Variants in VPS13A observed in about 807,000 individuals in gnomAD.
The protein encoded by VPS13A is vacuolar protein sorting 13 homolog A.
Under a neutral mutation model 390.9 loss-of-function variants are expected in VPS13A, and 264 were observed. The observed-to-expected ratio is 0.68, with a 90% confidence interval of 0.61 to 0.75. The LOEUF is 0.75. Ranked by LOEUF, VPS13A falls within the 30% of genes least tolerant of loss-of-function variation. VPS13A has a pLI of 0.00. For synonymous variants in VPS13A, 1,231 were observed against 1,227.1 expected (o/e 1.00, Z -0.07); for missense variants, 3,409 against 3,733.9 (o/e 0.91, Z 2.27).
chr9:77,301,705 T>C (rs1828365993), intron 33 of VPS13A, among the ~76,000 whole-genome samples: 1 of 152,322 alleles, frequency 6.6e-6, no homozygotes, highest in South Asian at 2.1e-4. Context: ...AGGGGTTCAA[T>C]TGACCTACAT....
chr9:77,356,920 T>G lies in VPS13A; in HGVS notation c.7806+53T>G, dbSNP rs180933837. 2.7e-5 allele frequency: 43 copies of G among 1,597,590 alleles called. No individual in the cohort carries two copies. In the Admixed American group the frequency reaches 3.0e-4, roughly 11 times the overall value. ...TTTTAATTTTTTGCCTGTCGTAGTTTGGTGAATCACTAGTGAAATTTAAGG... is the reference window on the plus strand; with the variant it reads ...TTTTAATTTTTTGCCTGTCGTAGTTGGGTGAATCACTAGTGAAATTTAAGG... On this transcript the variant is annotated intron_variant, in intron 55 of 71. Coordinates refer to ENST00000360280, the MANE Select transcript of VPS13A (RefSeq NM_033305.3).
intron 19 of VPS13A, among the ~76,000 whole-genome samples, chr9:77,241,701 G>A (rs781666829): frequency 1.3e-5 from 2 of 152,034 alleles, no homozygotes; most frequent in Non-Finnish European, 2.9e-5. Flanking sequence ...TTCATTTCGG[G>A]AAGATTTATA....
At chr9:77,247,942 AGCCACCGC>A (rs1824918766) in intron 20 of VPS13A, among the ~76,000 whole-genome samples, 1 of 152,142 alleles carries the variant, frequency 6.6e-6, no homozygotes, top group South Asian at 2.1e-4. Context: ...TACTGGCGTG[AGCCACCGC>A]GCCTGGCCCG....
chr9:77,304,283 A>C (rs1828580813), intron 34 of VPS13A, among the ~76,000 whole-genome samples: 1 of 152,202 alleles, frequency 6.6e-6, no homozygotes, highest in African/African-American at 2.4e-5. Flanking sequence ...TGTGAGCTCC[A>C]GGTTGGGTCA....
chr9:77,339,506 T>TTTTA lies in VPS13A; in HGVS notation c.6379-8_6379-7insTATT. ...TAAATTTTGTTTTGTTTTTTTTTTT[T>TTTTA]TTATTACAGGGAATTGAAAATTCGG... On this transcript the variant is annotated splice_polypyrimidine_tract_variant and intron_variant, in intron 47 of 71. Transcript: ENST00000360280. 1 of 1,526,856 alleles carries TTTTA rather than the reference T, an allele frequency of 6.5e-7. No homozygotes were observed. The highest frequency in any genetic ancestry group is 8.8e-7 in the Non-Finnish European group (1 of 1,136,198). 94.6% of individuals were successfully genotyped at this position (1,526,856 alleles called of 1,614,324 possible).
intron 3 of VPS13A, among the ~76,000 whole-genome samples, chr9:77,201,860 G>T (rs368520435): frequency 6.6e-5 from 10 of 152,178 alleles, no homozygotes; most frequent in East Asian, 5.8e-4. Flanking sequence ...GCTTTTTCTT[G>T]TTTGGTATTA....
At chr9:77,285,951 A>C (rs1232704806) in intron 31 of VPS13A, among the ~76,000 whole-genome samples, 1 of 152,094 alleles carries the variant, frequency 6.6e-6, no homozygotes, top group Non-Finnish European at 1.5e-5. Flanking sequence ...CTTGCTGATT[A>C]TGTTTTCATG....
chr9:77,357,695 C>T lies in VPS13A; in HGVS notation c.7810C>T (p.Arg2604Cys), dbSNP rs773235453. The T allele has an allele frequency of 8.1e-6, 13 of 1,613,238 alleles. No individual in the cohort carries two copies. The highest frequency in any genetic ancestry group is 3.3e-5 in the Admixed American group (2 of 59,914). ...TTTGGGGGGACATATTTTTCAGGTT[C>T]GCCTAACCCCTACTGGTCATAACAT... is the stretch of plus-strand genomic sequence containing the variant. ...VIQLDTNVPVRLTPTGHNMKI... is the reference protein window; with the variant it reads ...VIQLDTNVPVCLTPTGHNMKI... Residue 2604 changes from arginine to cysteine, a missense_variant, in exon 56 of 72, where the codon CGC becomes TGC. This residue lies in a region of VPS13A where 221 missense variants were observed against 300.7 expected (regional missense o/e 0.73). Coordinates refer to ENST00000360280, the MANE Select transcript of VPS13A (RefSeq NM_033305.3).
chr9:77,323,001 A>G, intron 44 of VPS13A, 66 bp from the exon 45 acceptor site: 2 of 1,242,060 alleles, frequency 1.6e-6, no homozygotes, highest in Non-Finnish European at 2.3e-6. Context: ...TCTAATATGT[A>G]ACATATGTAA....
chr9:77,413,351 C>T (rs1179166957), intron 71 of VPS13A, among the ~76,000 whole-genome samples: 1 of 152,140 alleles, frequency 6.6e-6, no homozygotes, highest in Non-Finnish European at 1.5e-5. Context: ...TACTACAAGG[C>T]TACAGTAACC....
intron 13 of VPS13A, 69 bp downstream of exon 13, chr9:77,221,425 A>G (rs1823207479): frequency 6.5e-7 from 1 of 1,532,532 alleles, no homozygotes; most frequent in Non-Finnish European, 9.0e-7. Flanking sequence ...TCAGTGACTG[A>G]TACTCCCTAC....
chr9:77,241,457 T>C (rs1269810657), intron 19 of VPS13A, among the ~76,000 whole-genome samples: 1 of 149,464 alleles, frequency 6.7e-6, no homozygotes, highest in African/African-American at 2.5e-5. Flanking sequence ...TTTTCAGAGA[T>C]CATAAGTACA....
intron 5 of VPS13A, among the ~76,000 whole-genome samples, chr9:77,208,499 G>A (rs1825800515): frequency 6.6e-6 from 1 of 152,118 alleles, no homozygotes; most frequent in African/African-American, 2.4e-5. Context: ...GATTATCAAA[G>A]GCATATTTCA....
intron 4 of VPS13A, 36 bp from the exon 5 acceptor site, chr9:77,205,942 G>A: frequency 7.1e-7 from 1 of 1,399,970 alleles, no homozygotes; most frequent in Non-Finnish European, 9.8e-7. Flanking sequence ...TTAAATTTAA[G>A]GTAGTTATGA....
chr9:77,339,744 A>G lies in VPS13A; in HGVS notation c.6607A>G (p.Asn2203Asp), dbSNP rs1830716998. 1 of 1,613,982 alleles carries G rather than the reference A, an allele frequency of 6.2e-7. No homozygotes were observed. The highest frequency in any genetic ancestry group is 1.7e-5 in the Admixed American group (1 of 59,998). The part of the protein sequence containing the change: ...DLDIAVHMTY[N>D]TGQTVVAFHS... ...AGATATTGCTGTCCATATGACTTAC[A>G]ATACTGGTCAGACAGTTGTGGCATT... Residue 2203 changes from asparagine (N) to aspartate (D), a missense_variant, in exon 48 of 72, where the codon AAT becomes GAT. Physicochemically the swap from Asn to Asp is conservative, Grantham distance 23. Transcript: ENST00000360280.
At chr9:77,369,258 C>A (rs1430614080) in intron 62 of VPS13A, 41 bp from the exon 63 acceptor site, 1 of 1,449,436 alleles carries the variant, frequency 6.9e-7, no homozygotes. Flanking sequence ...AAAAATAGAT[C>A]TAATTATCTG....
intron 23 of VPS13A, 127 bp downstream of exon 23, chr9:77,260,351 CTTTTTT>C (rs750675055): frequency 1.0e-3 from 376 of 375,984 alleles, no homozygotes; most frequent in Middle Eastern, 2.0e-3. Flanking sequence ...AAGAAAATTA[CTTTTTT>C]TTTTTTTTTT....
chr9:77,291,436 C>T (rs547763948), intron 31 of VPS13A, among the ~76,000 whole-genome samples: 20 of 152,160 alleles, frequency 1.3e-4, no homozygotes, highest in East Asian at 1.9e-4. Flanking sequence ...TGTCTGGAAA[C>T]GGGGATGCCT....
chr9:77,364,756 C>T (rs1832343845), intron 59 of VPS13A, among the ~76,000 whole-genome samples: 2 of 152,148 alleles, frequency 1.3e-5, no homozygotes, highest in African/African-American at 4.8e-5. Context: ...TGCTTATGAC[C>T]TTAAAACCAT....
Sources: gnomAD v4.1 joint callset for allele counts (sites outside exome capture counted in the v4.1 genomes callset) on GRCh38, gnomAD v4.1.1 for gene constraint, gnomAD v4.1.1 regional missense constraint, MANE v1.5 for transcripts, NCBI Gene and HGNC (gene_info 2026-07-23, HGNC 2026-07-21) for gene names.